Variants in ESRRB observed in about 807,000 individuals in gnomAD.
ESRRB encodes steroid hormone receptor ERR2.
ESRRB carries 16 observed loss-of-function variants against 46.0 expected under a neutral mutation model. The ratio of observed to expected loss-of-function variants is 0.35; its 90% CI spans 0.24 to 0.53. The LOEUF (loss-of-function observed/expected upper bound fraction) is 0.53, where lower values mean the gene tolerates loss of function less well. Among genes scored for constraint, ESRRB ranks in the 20% least tolerant of loss-of-function variants. ESRRB has a pLI of 0.93. For missense variants in ESRRB, 488 were observed against 607.4 expected (o/e 0.80, Z 2.07); for synonymous variants, 246 against 259.6 (o/e 0.95, Z 0.50).
chr14:76,479,995 G>A (rs1480294686), intron 3 of ESRRB, among the ~76,000 whole-genome samples: 1 of 152,172 alleles, frequency 6.6e-6, no homozygotes, highest in African/African-American at 2.4e-5. Flanking sequence ...AGCCACCCGA[G>A]TAGCTGGAAT....
At chr14:76,332,776 T>A (rs1396955007) in intron 1 of ESRRB, among the ~76,000 whole-genome samples, 793 of 15,622 alleles carry the variant, frequency 0.051, 43 homozygotes, top group East Asian at 0.12. Flanking sequence ...TAATATATAT[T>A]ATATATTATA....
At chr14:76,358,415 A>AAAGAAAGGAAGGAAG (rs1566859751) in intron 1 of ESRRB, among the ~76,000 whole-genome samples, 1 of 143,870 alleles carries the variant, frequency 7.0e-6, no homozygotes, top group African/African-American at 2.6e-5. Flanking sequence ...AAGAAAGAAA[A>AAAGAAAGGAAGGAAG]GAAAAGAAAA....
chr14:76,314,959 GCCACCAA>G (rs1430102497), intron 1 of ESRRB, among the ~76,000 whole-genome samples: 1 of 151,966 alleles, frequency 6.6e-6, no homozygotes, highest in Admixed American at 6.6e-5. Context: ...CCTTTTTTCT[GCCACCAA>G]CCAAGTGAGC....
At chr14:76,465,785 C>T (rs1391913605) in intron 3 of ESRRB, among the ~76,000 whole-genome samples, 1 of 152,248 alleles carries the variant, frequency 6.6e-6, no homozygotes, top group East Asian at 1.9e-4. Context: ...CCCTCCCCCA[C>T]TCCCCGCCAG....
chr14:76,456,363 A>C (rs913342048), intron 2 of ESRRB, among the ~76,000 whole-genome samples: 2 of 152,196 alleles, frequency 1.3e-5, no homozygotes, highest in African/African-American at 4.8e-5. Context: ...CAGAGAACCC[A>C]TAAACTTGTC....
At chr14:76,483,803 A>T (rs1344757136) in intron 5 of ESRRB, among the ~76,000 whole-genome samples, 1 of 152,212 alleles carries the variant, frequency 6.6e-6, no homozygotes, top group African/African-American at 2.4e-5. Flanking sequence ...TGATTACAGC[A>T]GACGATACAG....
At chr14:76,364,055 G>T (rs1429359710) in intron 1 of ESRRB, among the ~76,000 whole-genome samples, 1 of 152,192 alleles carries the variant, frequency 6.6e-6, no homozygotes, top group Non-Finnish European at 1.5e-5. Flanking sequence ...TAGGTGTGCA[G>T]CAACTGCCAG....
At chr14:76,360,735 G>A (rs998739458) in intron 1 of ESRRB, among the ~76,000 whole-genome samples, 1 of 152,106 alleles carries the variant, frequency 6.6e-6, no homozygotes, top group African/African-American at 2.4e-5. Flanking sequence ...TTTATCAGAG[G>A]GCTCCCTCCA....
chr14:76,414,546 T>C (rs1353972461), intron 1 of ESRRB, among the ~76,000 whole-genome samples: 2 of 151,540 alleles, frequency 1.3e-5, no homozygotes, highest in African/African-American at 4.9e-5. Context: ...GCCTCTTTAC[T>C]TTCTTCGCTT....
At chr14:76,416,552 C>T (rs1272117874) in intron 1 of ESRRB, among the ~76,000 whole-genome samples, 2 of 152,136 alleles carry the variant, frequency 1.3e-5, no homozygotes, top group African/African-American at 2.4e-5. Context: ...TCACTGCAAC[C>T]TCCACCTTCT....
rs569302188 is a variant in ESRRB at position 76,499,772 on chromosome 14, C to T, written c.*1314C>T. 8.7e-5 allele frequency: 96 copies of T among 1,108,956 alleles called. No homozygotes were observed. The highest frequency in any genetic ancestry group is 3.8e-4 in the African/African-American group (25 of 65,326). 68.7% of individuals were successfully genotyped at this position (1,108,956 alleles called of 1,614,324 possible). ...AGGAAACTCCTCTACCCCAGGCACACGGGGACAGTGGGTCACTCTATTTCT... is the reference window on the plus strand; with the variant it reads ...AGGAAACTCCTCTACCCCAGGCACATGGGGACAGTGGGTCACTCTATTTCT... On this transcript the variant is annotated 3_prime_UTR_variant, in exon 7 of 7. Transcript: ENST00000644823.
intron 1 of ESRRB, among the ~76,000 whole-genome samples, chr14:76,392,958 C>T (rs1295395829): frequency 6.6e-6 from 1 of 152,230 alleles, no homozygotes; most frequent in Non-Finnish European, 1.5e-5. Context: ...AGCTGGAACC[C>T]AGGGCCTGTG....
At chr14:76,451,121 G>A (rs1888364856) in intron 2 of ESRRB, among the ~76,000 whole-genome samples, 1 of 152,232 alleles carries the variant, frequency 6.6e-6, no homozygotes, top group African/African-American at 2.4e-5. Context: ...AGGTAAACAT[G>A]CTTGGCAGCA....
At chr14:76,432,339 G>T (rs1008199773) in intron 1 of ESRRB, among the ~76,000 whole-genome samples, 13 of 152,252 alleles carry the variant, frequency 8.5e-5, no homozygotes, top group Non-Finnish European at 1.6e-4. Flanking sequence ...GGTCTCAGCT[G>T]CTGGAGATGG....
chr14:76,366,845 G>A (rs1884527959), upstream of ESRRB, among the ~76,000 whole-genome samples: 1 of 152,142 alleles, frequency 6.6e-6, no homozygotes, highest in African/African-American at 2.4e-5. Context: ...ATGGTGCAGG[G>A]CAGGACCTGT....
At chr14:76,347,940 G>A (rs1015291193) in intron 1 of ESRRB, among the ~76,000 whole-genome samples, 7 of 152,140 alleles carry the variant, frequency 4.6e-5, no homozygotes, top group African/African-American at 1.7e-4. Context: ...TGGATGGATA[G>A]GTGGATGCTG....
chr14:76,448,809 T>A lies in ESRRB; in HGVS notation c.460+9059T>A, dbSNP rs971598936. ...TTGCATATGTGTAAACTTTAAGGGATCTAGGTAAAATAGTCAGATGTCTGC... is the reference window on the plus strand; with the variant it reads ...TTGCATATGTGTAAACTTTAAGGGAACTAGGTAAAATAGTCAGATGTCTGC... On this transcript the variant is annotated intron_variant, in intron 2 of 6. Transcript: ENST00000644823. 3.3e-5 allele frequency among the ~76,000 whole-genome samples: 5 copies of A among 152,192 alleles called. No individual in the cohort carries two copies. In the East Asian group the frequency reaches 9.6e-4, roughly 29 times the overall value.
At chr14:76,345,953 T>C (rs1884244877) in intron 1 of ESRRB, among the ~76,000 whole-genome samples, 2 of 152,120 alleles carry the variant, frequency 1.3e-5, no homozygotes, top group Non-Finnish European at 2.9e-5. Context: ...ATGGATTCTT[T>C]TGCAGTTCTG....
chr14:76,473,303 A>G (rs557414773), intron 3 of ESRRB, among the ~76,000 whole-genome samples: 1 of 152,390 alleles, frequency 6.6e-6, no homozygotes, highest in Admixed American at 6.5e-5. Context: ...TATTTCGTTA[A>G]TAAACCAGGG....
Sources: allele counts gnomAD v4.1 joint callset (sites outside exome capture counted in the v4.1 genomes callset), GRCh38; gene constraint gnomAD v4.1.1; transcripts MANE v1.5; gene names NCBI Gene and HGNC (gene_info 2026-07-23, HGNC 2026-07-21).